The following COMMD10 variants were observed in gnomAD, a reference collection of about 807,000 sequenced individuals.
The protein encoded by COMMD10 is COMM domain containing 10.
Under a neutral mutation model 28.9 loss-of-function variants are expected in COMMD10, and 33 were observed. The observed-to-expected ratio is 1.14, with a 90% CI of 0.87 to 1.53. The LOEUF (loss-of-function observed/expected upper bound fraction) is 1.53, where lower values mean the gene tolerates loss of function less well. COMMD10 is among the 40% of genes most tolerant of loss of function. The pLI is 0.00. For synonymous variants in COMMD10, 110 were observed against 81.7 expected, an observed-to-expected ratio of 1.35 and a Z score of -1.87; for missense variants, 310 against 233.4, an observed-to-expected ratio of 1.33 and a Z score of -2.14.
intron 2 of COMMD10, among the ~76,000 whole-genome samples, chr5:116,088,581 T>G (rs1317599710): frequency 6.6e-6 from 1 of 152,216 alleles, no homozygotes; most frequent in Non-Finnish European, 1.5e-5. Flanking sequence ...GGCTGCAGTC[T>G]ACATTCTCCT....
rs191987024 is a variant in COMMD10 at position 116,271,020 on chromosome 5, G to T, written c.511-20497G>T. The stretch of plus-strand genomic sequence containing the variant: ...CAGTATAACTTGGTTCATAAATTGG[G>T]GCAGGAAATCACAGGTTTGGTGGGT... On this transcript the variant is annotated intron_variant, in intron 5 of 6. Coordinates refer to ENST00000274458, the MANE Select transcript of COMMD10 (RefSeq NM_016144.4). Among the ~76,000 whole-genome samples the T allele has an allele frequency of 7.9e-3, 1,191 of 151,474 alleles. 21 individuals carry two copies. The highest frequency in any genetic ancestry group is 9.6e-3 in the Non-Finnish European group (654 of 67,942).
intron 5 of COMMD10, among the ~76,000 whole-genome samples, chr5:116,266,166 A>AT (rs1750580281): frequency 6.6e-6 from 1 of 151,734 alleles, no homozygotes. Context: ...GAACAAAGGC[A>AT]TTGTTTTCAG....
At chr5:116,215,556 G>T (rs1054370988) in intron 5 of COMMD10, among the ~76,000 whole-genome samples, 1 of 151,536 alleles carries the variant, frequency 6.6e-6, no homozygotes, top group East Asian at 1.9e-4. Flanking sequence ...GCGTGGTGGC[G>T]TGTGCCTGTA....
At chr5:116,270,336 A>T (rs548423144) in intron 5 of COMMD10, among the ~76,000 whole-genome samples, 4 of 152,006 alleles carry the variant, frequency 2.6e-5, no homozygotes, top group African/African-American at 9.7e-5. Context: ...TCATAATTGA[A>T]AAAGGAAAAA....
intron 5 of COMMD10, among the ~76,000 whole-genome samples, chr5:116,140,231 A>ATGTGTG (rs3072964): frequency 0.075 from 10,981 of 147,006 alleles, 460 homozygotes; most frequent in Admixed American, 0.13. Flanking sequence ...TCATACTACT[A>ATGTGTG]TGTGTGTGTG....
intron 5 of COMMD10, among the ~76,000 whole-genome samples, chr5:116,171,320 A>G (rs1267330179): frequency 6.6e-6 from 1 of 152,230 alleles, no homozygotes; most frequent in Non-Finnish European, 1.5e-5. Flanking sequence ...TTAAAAAGTC[A>G]GGAAACACCA....
chr5:116,286,540 A>C (rs1010361809), intron 5 of COMMD10, among the ~76,000 whole-genome samples: 15 of 151,406 alleles, frequency 9.9e-5, no homozygotes, highest in African/African-American at 3.7e-4. Flanking sequence ...CTCCATCCCA[A>C]AATTTTGGCA....
chr5:116,133,549 A>G (rs1751928230), intron 4 of COMMD10, among the ~76,000 whole-genome samples: 1 of 152,168 alleles, frequency 6.6e-6, no homozygotes, highest in Non-Finnish European at 1.5e-5. Context: ...TAAAGGTGTG[A>G]ACCTCTTACC....
chr5:116,101,517 C>T (rs953567234), intron 4 of COMMD10, among the ~76,000 whole-genome samples: 5 of 152,142 alleles, frequency 3.3e-5, no homozygotes, highest in East Asian at 1.9e-4. Flanking sequence ...ACCTCCGCCT[C>T]CCAGGTTCAA....
intron 4 of COMMD10, among the ~76,000 whole-genome samples, chr5:116,116,850 CA>C (rs1751257404): frequency 6.6e-6 from 1 of 152,104 alleles, no homozygotes; most frequent in Admixed American, 6.6e-5. Context: ...TCCCAAAATG[CA>C]GAGATTTTAA....
At chr5:116,291,443 G>A in intron 5 of COMMD10, 74 bp from the exon 6 acceptor site, 3 of 1,014,894 alleles carry the variant, frequency 3.0e-6, no homozygotes, top group Admixed American at 1.9e-5. Flanking sequence ...CATATTCTGA[G>A]GTTAGCTGGA....
In COMMD10 at chr5:116,120,020, A is replaced by G. The variant is rs140051006; in HGVS notation, c.400-14048A>G. 6.8e-3 allele frequency among the ~76,000 whole-genome samples: 1,028 copies of G among 152,270 alleles called. 24 individuals carry two copies. The highest frequency in any genetic ancestry group is 0.024 in the African/African-American group (985 of 41,518). ...CATGAATTTTGATAGCTGTATTTCC[A>G]TGAGATCACCATGGTAATCAAGATA... is the stretch of plus-strand genomic sequence containing the variant. On this transcript the variant is annotated intron_variant, in intron 4 of 6. Coordinates refer to ENST00000274458, the MANE Select transcript of COMMD10 (RefSeq NM_016144.4).
intron 5 of COMMD10, among the ~76,000 whole-genome samples, chr5:116,154,818 C>T (rs184550033): frequency 2.9e-4 from 43 of 150,702 alleles, no homozygotes; most frequent in African/African-American, 1.0e-3. Flanking sequence ...AGTGGGACCT[C>T]GTTTAGGGAG....
intron 5 of COMMD10, chr5:116,188,348 A>G (rs1748212998): frequency 1.3e-5 from 2 of 152,150 alleles, no homozygotes; most frequent in South Asian, 4.1e-4. Context: ...ATTAGAGCTA[A>G]TAAGTTTGAT....
chr5:116,248,253 G>A (rs1750011892), intron 5 of COMMD10, among the ~76,000 whole-genome samples: 1 of 151,850 alleles, frequency 6.6e-6, no homozygotes, highest in African/African-American at 2.4e-5. Flanking sequence ...TTACAATTTA[G>A]GAGTGCATAA....
At chr5:116,271,232 CATG>C (rs1750743874) in intron 5 of COMMD10, among the ~76,000 whole-genome samples, 1 of 147,644 alleles carries the variant, frequency 6.8e-6, no homozygotes, top group African/African-American at 2.5e-5. Context: ...GGAAAATTCA[CATG>C]ATAGTAAAAA....
chr5:116,248,675 C>A (rs1458092624), intron 5 of COMMD10, among the ~76,000 whole-genome samples: 1 of 151,864 alleles, frequency 6.6e-6, no homozygotes, highest in Non-Finnish European at 1.5e-5. Context: ...CTGTTAGAGA[C>A]AAAGTTGAGT....
At chr5:116,239,050 G>C (rs1350947818) in intron 5 of COMMD10, among the ~76,000 whole-genome samples, 1 of 152,128 alleles carries the variant, frequency 6.6e-6, no homozygotes, top group Non-Finnish European at 1.5e-5. Flanking sequence ...CTATTGAAGA[G>C]CTCGATGAAG....
chr5:116,109,405 C>G (rs764022466), intron 4 of COMMD10, among the ~76,000 whole-genome samples: 2 of 152,114 alleles, frequency 1.3e-5, no homozygotes, highest in Admixed American at 6.5e-5. Flanking sequence ...ACCAGCCTGG[C>G]CAATATGGTG....
Sources: allele counts gnomAD v4.1 joint callset (sites outside exome capture counted in the v4.1 genomes callset), GRCh38; gene constraint gnomAD v4.1.1; transcripts MANE v1.5; gene names NCBI Gene and HGNC (gene_info 2026-07-23, HGNC 2026-07-21).